Variants in TRIP4 observed in about 807,000 individuals in gnomAD.
TRIP4 encodes the protein thyroid hormone receptor interactor 4, also known as activating signal cointegrator 1.
Under a neutral mutation model 81.8 loss-of-function variants are expected in TRIP4, and 54 were observed. The ratio of observed to expected loss-of-function variants is 0.66; its 90% CI spans 0.53 to 0.83. The LOEUF (loss-of-function observed/expected upper bound fraction) is 0.83, where lower values mean the gene tolerates loss of function less well. TRIP4 is among the 40% of genes least tolerant of loss of function. The probability of loss-of-function intolerance (pLI) is 0.00; values close to 1 mark genes in which losing one functional copy is unlikely to be tolerated. For missense variants in TRIP4, 662 were observed against 683.6 expected, an observed-to-expected ratio of 0.97 and a Z score of 0.35; for synonymous variants, 270 against 242.8, an observed-to-expected ratio of 1.11 and a Z score of -1.04.
chr15:64,401,408 T>A (rs1375542980), intron 5 of TRIP4, among the ~76,000 whole-genome samples: 1 of 152,174 alleles, frequency 6.6e-6, no homozygotes, highest in Non-Finnish European at 1.5e-5. Flanking sequence ...GTGCTGAGAT[T>A]ACAGGCATAA....
At chr15:64,443,996 T>G (rs1025901743) in intron 11 of TRIP4, among the ~76,000 whole-genome samples, 1 of 75,062 alleles carries the variant, frequency 1.3e-5, no homozygotes, top group Non-Finnish European at 4.1e-5. Flanking sequence ...ACAAGAGTGG[T>G]CAATAAAGAA....
At chr15:64,439,154 C>T (rs533253401) in intron 11 of TRIP4, among the ~76,000 whole-genome samples, 2 of 152,318 alleles carry the variant, frequency 1.3e-5, no homozygotes, top group African/African-American at 4.8e-5. Flanking sequence ...AAACGTTTAT[C>T]TTCCAGTAGA....
At chr15:64,422,287 A>G (rs2140299595) in intron 9 of TRIP4, among the ~76,000 whole-genome samples, 4 of 152,306 alleles carry the variant, frequency 2.6e-5, no homozygotes, top group Admixed American at 2.6e-4. Context: ...ATGGAACTAG[A>G]CTTCTGGTTT....
chr15:64,395,390 C>CT lies in TRIP4; in HGVS notation c.272-5dup, dbSNP rs1900260850. Reference sequence around the variant, plus strand: ...TGTGTGTGTATTTTTTTTTTTCTATCTTTAAAGAAATTTTAGATGGGCAGA... The same window carrying CT: ...TGTGTGTGTATTTTTTTTTTTCTATCTTTTAAAGAAATTTTAGATGGGCAGA... On this transcript the variant is annotated splice_region_variant and splice_polypyrimidine_tract_variant and intron_variant, in intron 2 of 12. Coordinates refer to ENST00000261884, the MANE Select transcript of TRIP4 (RefSeq NM_016213.5). 6.3e-7 allele frequency: 1 copy of CT among 1,584,856 alleles called. No individual in the cohort carries two copies.
At chr15:64,408,192 C>G (rs1891674844) in intron 6 of TRIP4, among the ~76,000 whole-genome samples, 1 of 148,008 alleles carries the variant, frequency 6.8e-6, no homozygotes, top group African/African-American at 2.5e-5. Flanking sequence ...CCAGCCTCGG[C>G]CTCCCAAAGT....
intron 11 of TRIP4, among the ~76,000 whole-genome samples, chr15:64,443,905 T>C (rs1424957906): frequency 6.6e-6 from 1 of 152,112 alleles, no homozygotes; most frequent in Non-Finnish European, 1.5e-5. Context: ...TCTTCCACAC[T>C]GAAAGCCATG....
chr15:64,424,807 C>T (rs1045082017), intron 10 of TRIP4, among the ~76,000 whole-genome samples: 2 of 152,070 alleles, frequency 1.3e-5, no homozygotes, highest in African/African-American at 2.4e-5. Flanking sequence ...GACAGAGTCT[C>T]GTTCTGTAAC....
At chr15:64,397,893 T>A in intron 4 of TRIP4, 75 bp downstream of exon 4, 1 of 1,516,004 alleles carries the variant, frequency 6.6e-7, no homozygotes, top group Middle Eastern at 1.8e-4. Flanking sequence ...CTCAAGTAAT[T>A]TCTCTTTTTT....
chr15:64,424,257 AAG>A, intron 10 of TRIP4, 102 bp downstream of exon 10: 1 of 1,516,884 alleles, frequency 6.6e-7, no homozygotes, highest in Non-Finnish European at 9.0e-7. Flanking sequence ...TCTTTGTTAA[AAG>A]AGACTTTTAA....
intron 5 of TRIP4, among the ~76,000 whole-genome samples, chr15:64,404,052 A>G (rs924109085): frequency 2.0e-5 from 3 of 152,130 alleles, no homozygotes; most frequent in Non-Finnish European, 4.4e-5. Flanking sequence ...TTAGCCGTGC[A>G]TGGTGGCACA....
Position 64,425,523 on chromosome 15 carries a change from T to C in TRIP4, c.1484-17T>C, listed in dbSNP as rs1481153352. The C allele has an allele frequency of 1.3e-6, 2 of 1,597,754 alleles. No individual in the cohort carries two copies. The highest frequency in any genetic ancestry group is 1.7e-6 in the Non-Finnish European group (2 of 1,171,288). On this transcript the variant is annotated splice_polypyrimidine_tract_variant and intron_variant, in intron 10 of 12. Coordinates refer to ENST00000261884, the MANE Select transcript of TRIP4 (RefSeq NM_016213.5). ...AAGAAGGAAATTTATTCAATATTTT[T>C]GTTATTCCTGATTCAGATGTGGAAT... is the stretch of plus-strand genomic sequence containing the variant.
At chr15:64,413,409 T>C (rs1891814555) in intron 7 of TRIP4, among the ~76,000 whole-genome samples, 1 of 152,016 alleles carries the variant, frequency 6.6e-6, no homozygotes, top group Non-Finnish European at 1.5e-5. Context: ...ACTCCTGGCC[T>C]CAAGTGATCC....
intron 9 of TRIP4, among the ~76,000 whole-genome samples, chr15:64,421,260 C>T (rs1419885026): frequency 3.3e-5 from 5 of 149,502 alleles, no homozygotes; most frequent in Admixed American, 6.7e-5. Context: ...CCAGCCTGGG[C>T]GACAGAGTGA....
intron 8 of TRIP4, among the ~76,000 whole-genome samples, chr15:64,415,574 C>T (rs1369045649): frequency 2.6e-5 from 4 of 152,156 alleles, no homozygotes; most frequent in Non-Finnish European, 5.9e-5. Context: ...TAATCTCTGC[C>T]TCTGTCTTCA....
At chr15:64,396,753 G>T (rs115091251) in intron 3 of TRIP4, among the ~76,000 whole-genome samples, 2 of 152,022 alleles carry the variant, frequency 1.3e-5, no homozygotes, top group African/African-American at 4.8e-5. Context: ...TGTATTTTTG[G>T]TGAACATATT....
At position 64,394,114 on chromosome 15, in the gene TRIP4, T is replaced by C; in HGVS notation, c.270T>C (p.Asp90=). 1.3e-6 allele frequency: 2 copies of C among 1,588,942 alleles called. No individual in the cohort carries two copies. Among genetic ancestry groups the C allele is most frequent in the African/African-American group, 1.3e-5 (1 of 74,126 alleles). Residue 90 remains aspartate (D), a splice_region_variant and synonymous_variant, in exon 2 of 13, where the codon GAT becomes GAC. Coordinates refer to ENST00000261884, the MANE Select transcript of TRIP4 (RefSeq NM_016213.5). The part of the protein sequence containing the change: ...SDPLQQCFKK[D]EILDGQKSGD... ...CTTTGCAGCAGTGCTTCAAAAAAGA[T>C]GGTAAGTTAATGTAATTATGCAAAT...
chr15:64,416,761 G>A (rs1891898537), intron 8 of TRIP4, among the ~76,000 whole-genome samples: 1 of 151,930 alleles, frequency 6.6e-6, no homozygotes, highest in African/African-American at 2.4e-5. Flanking sequence ...CATATTTTAT[G>A]TCTCCCTAGT....
intron 11 of TRIP4, among the ~76,000 whole-genome samples, chr15:64,440,206 C>G (rs11855450): frequency 6.6e-6 from 1 of 151,852 alleles, no homozygotes. Context: ...GCACTCCGGC[C>G]TGGGTCACAG....
chr15:64,407,238 C>T (rs1891644318), intron 6 of TRIP4, among the ~76,000 whole-genome samples: 1 of 152,074 alleles, frequency 6.6e-6, no homozygotes, highest in South Asian at 2.1e-4. Flanking sequence ...ACTTCCAAAC[C>T]ATTTGCTATG....
Sources: gnomAD v4.1 joint callset for allele counts (sites outside exome capture counted in the v4.1 genomes callset) on GRCh38, gnomAD v4.1.1 for gene constraint, MANE v1.5 for transcripts, NCBI Gene and HGNC (gene_info 2026-07-23, HGNC 2026-07-21) for gene names.